Variants in MAGI2 observed in about 807,000 individuals in gnomAD.
The protein encoded by MAGI2 is membrane-associated guanylate kinase, WW and PDZ domain-containing protein 2.
In MAGI2, 35 loss-of-function variants were observed where a neutral mutation model predicts 133.3. The ratio of observed to expected loss-of-function variants is 0.26; its 90% CI spans 0.20 to 0.35. The LOEUF is 0.35. Ranked by LOEUF, MAGI2 falls within the 10% of genes least tolerant of loss-of-function variation. The pLI, the probability that MAGI2 is intolerant of heterozygous loss-of-function variation, is 1.00. For missense variants in MAGI2, 1,636 were observed against 1,863.4 expected (o/e 0.88, Z 2.25); for synonymous variants, 729 against 710.6 (o/e 1.03, Z -0.41).
At chr7:78,870,404 T>C (rs1278373184) in intron 2 of MAGI2, among the ~76,000 whole-genome samples, 1 of 150,478 alleles carries the variant, frequency 6.6e-6, no homozygotes, top group African/African-American at 2.4e-5. Flanking sequence ...AATAGACAAT[T>C]CTCAAAAGAA....
chr7:79,449,280 G>A (rs1849069046), intron 1 of MAGI2, among the ~76,000 whole-genome samples: 2 of 151,846 alleles, frequency 1.3e-5, no homozygotes. Context: ...AGGAGGGAGA[G>A]CAATGTAGAT....
chr7:78,174,353 G>A (rs1455074063), intron 14 of MAGI2, among the ~76,000 whole-genome samples: 1 of 152,188 alleles, frequency 6.6e-6, no homozygotes, highest in African/African-American at 2.4e-5. Context: ...AGGTTGGTAA[G>A]TTTGAAGTAT....
At chr7:78,477,716 A>G (rs1053270745) in intron 6 of MAGI2, among the ~76,000 whole-genome samples, 1 of 151,886 alleles carries the variant, frequency 6.6e-6, no homozygotes, top group African/African-American at 2.4e-5. Context: ...CCCTTGACAC[A>G]TGGGGATTAC....
At chr7:78,725,267 G>A (rs1047940681) in intron 2 of MAGI2, among the ~76,000 whole-genome samples, 2 of 152,140 alleles carry the variant, frequency 1.3e-5, no homozygotes, top group South Asian at 2.1e-4. Flanking sequence ...CTAATAGATC[G>A]AAAAATGGTT....
At chr7:78,631,606 G>A (rs1327119765) in intron 2 of MAGI2, among the ~76,000 whole-genome samples, 4 of 152,174 alleles carry the variant, frequency 2.6e-5, no homozygotes, top group African/African-American at 9.7e-5. Flanking sequence ...TTACAATAAA[G>A]CACAACTCTC....
intron 21 of MAGI2, among the ~76,000 whole-genome samples, chr7:78,027,257 ACT>A (rs1809019861): frequency 6.6e-6 from 1 of 152,076 alleles, no homozygotes; most frequent in African/African-American, 2.4e-5. Flanking sequence ...CCTAATGGAG[ACT>A]CTCAAACGCC....
At chr7:78,688,981 ACT>A (rs1816672689) in intron 2 of MAGI2, among the ~76,000 whole-genome samples, 1 of 152,132 alleles carries the variant, frequency 6.6e-6, no homozygotes, top group Non-Finnish European at 1.5e-5. Flanking sequence ...ATTTTTCAGT[ACT>A]CTCTTTCTTT....
At chr7:78,340,558 T>C (rs1374108721) in intron 9 of MAGI2, among the ~76,000 whole-genome samples, 3 of 152,152 alleles carry the variant, frequency 2.0e-5, no homozygotes, top group Non-Finnish European at 4.4e-5. Context: ...AAATCCTCAA[T>C]AAAATACTGG....
intron 21 of MAGI2, among the ~76,000 whole-genome samples, chr7:78,029,268 G>A (rs928176896): frequency 1.1e-4 from 17 of 152,240 alleles, no homozygotes; most frequent in Admixed American, 3.3e-4. Context: ...AAAAAATCCC[G>A]GACTGGTTTG....
At chr7:78,518,339 T>G (rs184165555) in intron 4 of MAGI2, 1 of 152,308 alleles carries the variant, frequency 6.6e-6, no homozygotes, top group African/African-American at 2.4e-5. Flanking sequence ...AGACTCAGGA[T>G]AGCATGGCAG....
At chr7:79,049,853 TG>T (rs1232945512) in intron 1 of MAGI2, among the ~76,000 whole-genome samples, 2 of 152,066 alleles carry the variant, frequency 1.3e-5, no homozygotes, top group Non-Finnish European at 2.9e-5. Flanking sequence ...GTTATTTTTA[TG>T]TTTTTTTATT....
intron 1 of MAGI2, among the ~76,000 whole-genome samples, chr7:79,025,089 A>G (rs1809743117): frequency 6.6e-6 from 1 of 152,188 alleles, no homozygotes; most frequent in Non-Finnish European, 1.5e-5. Context: ...AATAGCAAAG[A>G]CATGGAATCA....
chr7:78,705,983 G>C (rs907081222), intron 2 of MAGI2, among the ~76,000 whole-genome samples: 3 of 152,128 alleles, frequency 2.0e-5, no homozygotes, highest in African/African-American at 7.2e-5. Context: ...AACTAGCTGA[G>C]TTCTAGTGGA....
chr7:78,572,978 A>G (rs1801668201), intron 3 of MAGI2, among the ~76,000 whole-genome samples: 1 of 137,016 alleles, frequency 7.3e-6, no homozygotes, highest in Non-Finnish European at 1.5e-5. Context: ...AAGTTTCTGT[A>G]TTAGTCATTG....
chr7:78,693,495 T>A (rs140942240), intron 2 of MAGI2, among the ~76,000 whole-genome samples: 1 of 152,302 alleles, frequency 6.6e-6, no homozygotes, highest in East Asian at 1.9e-4. Flanking sequence ...TTAAAACATT[T>A]GTATTTACTA....
intron 15 of MAGI2, among the ~76,000 whole-genome samples, chr7:78,162,878 T>A (rs763370075): frequency 1.3e-5 from 2 of 152,214 alleles, no homozygotes; most frequent in Admixed American, 1.3e-4. Context: ...ATCATTTTTC[T>A]ACTCATCTGG....
chr7:78,137,951 T>C (rs1449319428), intron 16 of MAGI2, among the ~76,000 whole-genome samples: 3 of 152,156 alleles, frequency 2.0e-5, no homozygotes, highest in Non-Finnish European at 4.4e-5. Flanking sequence ...TATATATATG[T>C]ATATATATGT....
chr7:78,137,989 G>T (rs979098957), intron 16 of MAGI2, among the ~76,000 whole-genome samples: 4 of 152,112 alleles, frequency 2.6e-5, no homozygotes, highest in African/African-American at 9.7e-5. Context: ...CAAATCATAT[G>T]AAATGTTTGA....
chr7:78,220,787 G>A (rs950661841), intron 10 of MAGI2, among the ~76,000 whole-genome samples: 15 of 152,142 alleles, frequency 9.9e-5, no homozygotes, highest in Admixed American at 6.5e-4. Flanking sequence ...ATGAAATCAC[G>A]TCAATAATTA....
Sources: gnomAD v4.1 joint callset for allele counts (sites outside exome capture counted in the v4.1 genomes callset) on GRCh38, gnomAD v4.1.1 for gene constraint, MANE v1.5 for transcripts, NCBI Gene and HGNC (gene_info 2026-07-23, HGNC 2026-07-21) for gene names.